Variants in ATP8A2 observed in about 807,000 individuals in gnomAD.
ATP8A2 encodes the protein phospholipid-transporting ATPase IB.
A neutral mutation model predicts 165.6 loss-of-function variants in ATP8A2; 100 were observed. That is an observed-to-expected ratio of 0.60 (90% confidence interval 0.51 to 0.71). The LOEUF is 0.71. Ranked by LOEUF, ATP8A2 falls within the 30% of genes least tolerant of loss-of-function variation. The pLI, the probability that ATP8A2 is intolerant of heterozygous loss-of-function variation, is 0.00. For missense variants in ATP8A2, 1,227 were observed against 1,479.5 expected (o/e 0.83, Z 2.80); for synonymous variants, 543 against 548.8 (o/e 0.99, Z 0.15).
chr13:25,776,777 C>T (rs1336189973), intron 27 of ATP8A2, among the ~76,000 whole-genome samples: 1 of 152,170 alleles, frequency 6.6e-6, no homozygotes, highest in Non-Finnish European at 1.5e-5. Context: ...CTATCCCAGG[C>T]TTCCCAGCAT....
At chr13:25,516,592 C>G (rs1364725403) in intron 2 of ATP8A2, among the ~76,000 whole-genome samples, 4 of 152,094 alleles carry the variant, frequency 2.6e-5, no homozygotes, top group Non-Finnish European at 5.9e-5. Flanking sequence ...TGTAATGATT[C>G]CTGTACTTGT....
intron 26 of ATP8A2, among the ~76,000 whole-genome samples, chr13:25,769,707 C>T (rs190096155): frequency 8.5e-5 from 13 of 152,114 alleles, no homozygotes; most frequent in East Asian, 5.8e-4. Context: ...TTACAGCTGT[C>T]GCCTTCTCTG....
intron 34 of ATP8A2, among the ~76,000 whole-genome samples, chr13:25,965,541 AT>A (rs1207599388): frequency 6.6e-6 from 1 of 152,232 alleles, no homozygotes; most frequent in Non-Finnish European, 1.5e-5. Context: ...CTAATGAGTA[AT>A]TTTGTTAGAT....
At chr13:25,513,366 C>T (rs1422559696) in intron 2 of ATP8A2, among the ~76,000 whole-genome samples, 2 of 151,154 alleles carry the variant, frequency 1.3e-5, no homozygotes, top group Admixed American at 6.6e-5. Context: ...GATGGGCGGC[C>T]GGGCAGAGAC....
chr13:25,961,683 G>C lies in ATP8A2; in HGVS notation c.3272+20G>C, dbSNP rs540246083. 1 of 1,577,128 alleles carries C rather than the reference G, an allele frequency of 6.3e-7. No homozygotes were observed. Among genetic ancestry groups the C allele is most frequent in the Non-Finnish European group, 8.7e-7 (1 of 1,146,520 alleles). On this transcript the variant is annotated intron_variant, in intron 34 of 36. Transcript: ENST00000381655. The stretch of plus-strand genomic sequence containing the variant: ...GAGAGCGTAAGTTTAACAGTGAAGC[G>C]GGGACCCTAAGTCTGGCTCATCTGT...
chr13:25,709,552 G>A (rs979611202), intron 25 of ATP8A2, among the ~76,000 whole-genome samples: 3 of 152,080 alleles, frequency 2.0e-5, no homozygotes, highest in African/African-American at 4.8e-5. Flanking sequence ...AACAATAGTA[G>A]GGAATATATG....
intron 1 of ATP8A2, among the ~76,000 whole-genome samples, chr13:25,421,598 G>C (rs771634391): frequency 3.3e-5 from 5 of 152,200 alleles, no homozygotes; most frequent in Non-Finnish European, 7.3e-5. Context: ...GCCTCCCAAG[G>C]ACTGGGATTA....
chr13:25,845,217 C>T (rs990918513), intron 30 of ATP8A2, among the ~76,000 whole-genome samples: 6 of 152,222 alleles, frequency 3.9e-5, no homozygotes, highest in Non-Finnish European at 7.3e-5. Context: ...GTCACCTTCA[C>T]AGGGACCCAA....
intron 30 of ATP8A2, among the ~76,000 whole-genome samples, chr13:25,849,717 A>T (rs1442173700): frequency 6.6e-6 from 1 of 152,168 alleles, no homozygotes. Context: ...TATGTTAGTT[A>T]TGTCTGTTCC....
At chr13:25,420,435 A>T (rs1197495088) in intron 1 of ATP8A2, among the ~76,000 whole-genome samples, 1 of 152,242 alleles carries the variant, frequency 6.6e-6, no homozygotes, top group African/African-American at 2.4e-5. Context: ...TAGCATTTTA[A>T]AAACTGTTCT....
intron 1 of ATP8A2, among the ~76,000 whole-genome samples, chr13:25,440,366 C>G (rs1388795419): frequency 6.6e-6 from 1 of 152,148 alleles, no homozygotes; most frequent in Non-Finnish European, 1.5e-5. Flanking sequence ...GAAAGTCCCT[C>G]CCTGCCATTA....
intron 2 of ATP8A2, among the ~76,000 whole-genome samples, chr13:25,476,366 A>C (rs1019859798): frequency 6.6e-6 from 1 of 151,950 alleles, no homozygotes; most frequent in Non-Finnish European, 1.5e-5. Context: ...ACTCATTGCA[A>C]ACCTTTGCCT....
intron 26 of ATP8A2, among the ~76,000 whole-genome samples, chr13:25,771,237 A>C (rs1040229897): frequency 2.0e-5 from 3 of 152,192 alleles, no homozygotes; most frequent in African/African-American, 4.8e-5. Flanking sequence ...CCAAGCAAGC[A>C]AGCATCTTGG....
Position 26,023,072 on chromosome 13 carries a change from G to C in ATP8A2, c.*3087G>C, listed in dbSNP as rs139712792. ...CAGCAAGGGTAGCTGTGGAAAACACGTATCAGGAGAGCAGAGTAGTCTGGA... is the reference window on the plus strand; with the variant it reads ...CAGCAAGGGTAGCTGTGGAAAACACCTATCAGGAGAGCAGAGTAGTCTGGA... On this transcript the variant is annotated 3_prime_UTR_variant, in exon 37 of 37. Transcript: ENST00000381655. The C allele has an allele frequency of 6.6e-6, 1 of 152,224 alleles. No individual in the cohort carries two copies. Among genetic ancestry groups the C allele is most frequent in the Non-Finnish European group, 1.5e-5 (1 of 68,070 alleles). 9.4% of individuals were successfully genotyped at this position (152,224 alleles called of 1,614,324 possible).
chr13:25,739,353 G>C (rs1322201980), intron 25 of ATP8A2, among the ~76,000 whole-genome samples: 1 of 152,226 alleles, frequency 6.6e-6, no homozygotes, highest in Non-Finnish European at 1.5e-5. Flanking sequence ...GGGAAATTCT[G>C]TTCTCTATCA....
intron 25 of ATP8A2, among the ~76,000 whole-genome samples, chr13:25,701,584 C>T (rs1259713473): frequency 1.3e-5 from 2 of 152,030 alleles, no homozygotes; most frequent in Non-Finnish European, 2.9e-5. Context: ...AAACTGTAAC[C>T]CAATGCAAAC....
chr13:25,938,823 AT>A (rs955396026), intron 33 of ATP8A2, among the ~76,000 whole-genome samples: 7 of 151,270 alleles, frequency 4.6e-5, no homozygotes, highest in Admixed American at 2.6e-4. Context: ...AATGCATTGG[AT>A]TTCCATCATC....
chr13:25,387,732 G>A (rs555001823), intron 1 of ATP8A2, among the ~76,000 whole-genome samples: 33 of 152,178 alleles, frequency 2.2e-4, no homozygotes, highest in African/African-American at 7.5e-4. Context: ...TAGGGGTTTC[G>A]TTCTTTAATC....
chr13:25,611,234 G>A (rs1166460492), intron 24 of ATP8A2, among the ~76,000 whole-genome samples: 2 of 152,012 alleles, frequency 1.3e-5, no homozygotes, highest in African/African-American at 4.8e-5. Flanking sequence ...AGTTCTCAGG[G>A]GGAATGCTTT....
Sources: gnomAD v4.1 joint callset for allele counts (sites outside exome capture counted in the v4.1 genomes callset) on GRCh38, gnomAD v4.1.1 for gene constraint, MANE v1.5 for transcripts, NCBI Gene and HGNC (gene_info 2026-07-23, HGNC 2026-07-21) for gene names.